Variants in EIF3B observed in about 807,000 individuals in gnomAD.
EIF3B encodes eukaryotic translation initiation factor 3 subunit B, also known as eukaryotic translation initiation factor 3 subunit 9.
In EIF3B, 10 loss-of-function variants were observed where a neutral mutation model predicts 104.6. The observed-to-expected ratio is 0.10, with a 90% CI of 0.06 to 0.16. EIF3B has a LOEUF of 0.16. Among genes scored for constraint, EIF3B ranks in the 10% least tolerant of loss-of-function variants. The probability of loss-of-function intolerance (pLI) is 1.00; values close to 1 mark genes in which losing one functional copy is unlikely to be tolerated. For missense variants in EIF3B, 1,014 were observed against 1,087.9 expected (o/e 0.93, Z 0.96); for synonymous variants, 542 against 417.2 (o/e 1.30, Z -3.65).
Position 2,362,670 on chromosome 7 carries a change from C to G in EIF3B, c.718C>G (p.Pro240Ala), listed in dbSNP as rs759633167. Reference protein sequence around the residue: ...KGYIFLEYASPAHAVDAVKNA... With the variant: ...KGYIFLEYASAAHAVDAVKNA... ...GTATATTTTCCTGGAGTACGCGTCC[C>G]CTGCCCACGCTGTGGATGCTGTGAA... The change falls in exon 3 of 19, where the codon CCT (proline) becomes GCT (alanine). Residue 240 changes from proline (P) to alanine (A), a missense_variant. By Grantham distance (27) the Pro-to-Ala change is conservative. Transcript: ENST00000360876. The G allele has an allele frequency of 1.2e-6, 2 of 1,614,230 alleles. No individual in the cohort carries two copies. Among genetic ancestry groups the G allele is most frequent in the Non-Finnish European group, 1.7e-6 (2 of 1,180,040 alleles).
In EIF3B at chr7:2,364,386, G is replaced by T. The variant is rs751079442; in HGVS notation, c.1014G>T (p.Thr338=). 1.9e-5 allele frequency: 30 copies of T among 1,605,546 alleles called. No individual in the cohort carries two copies. In the Admixed American group the frequency reaches 4.6e-4, roughly 25 times the overall value. Residue 338 remains threonine, a synonymous_variant, in exon 6 of 19, where the codon ACG becomes ACT. Transcript: ENST00000360876. The part of the protein sequence containing the change: ...SIEERARWTE[T]YVRWSPKGTY... ...TTTTTCTGCAGAGATGGACAGAGAC[G>T]TATGTGCGTTGGTCTCCTAAGGGCA... is the stretch of plus-strand genomic sequence containing the variant.
At position 2,372,931 on chromosome 7, in the gene EIF3B, C is replaced by G. The variant is rs1548596; in HGVS notation, c.1810+136C>G. The G allele has an allele frequency of 0.74, 716,305 of 964,800 alleles. 269,498 individuals are homozygous for G. Among genetic ancestry groups the G allele is most frequent in the African/African-American group, 0.95 (58,043 of 60,780 alleles). The allele number at this position is 964,800 out of a possible 1,614,324, so 59.8% of individuals were successfully genotyped here. A position where few individuals can be genotyped will look rare whatever the true frequency, so the allele number is the denominator to read the frequency against. On this transcript the variant is annotated intron_variant, in intron 12 of 18. Coordinates refer to ENST00000360876, the MANE Select transcript of EIF3B (RefSeq NM_001037283.2). ...GGACTCGCCTATGAATGGGGTGTGGCCTCGGCTGATGGAAGTGAGCGATGG... is the reference window on the plus strand; with the variant it reads ...GGACTCGCCTATGAATGGGGTGTGGGCTCGGCTGATGGAAGTGAGCGATGG...
At chr7:2,369,814 G>A (rs1780226134) in intron 10 of EIF3B, 132 bp downstream of exon 10, 1 of 729,314 alleles carries the variant, frequency 1.4e-6, no homozygotes, top group Admixed American at 3.8e-5. Flanking sequence ...GTCTCACTCT[G>A]TCACCAGGCT....
In EIF3B at chr7:2,380,524, T is replaced by TGGC. The variant is rs1180217296; in HGVS notation, c.*339_*341dup. On this transcript the variant is annotated 3_prime_UTR_variant, in exon 19 of 19. Transcript: ENST00000360876. ...GGCTCCGAAGACTTAGCGACGCCAC[T>TGGC]GGCGGCACCTTCTCCTGCGCCCAGT... 2 of 430,084 alleles carry TGGC rather than the reference T, an allele frequency of 4.7e-6. No individual in the cohort carries two copies. The highest frequency in any genetic ancestry group is 1.2e-4 in the East Asian group (2 of 16,728). The allele number at this position is 430,084 out of a possible 1,614,324, so 26.6% of individuals were successfully genotyped here.
chr7:2,361,249 T>A (rs1157659811), intron 2 of EIF3B, among the ~76,000 whole-genome samples: 1 of 152,174 alleles, frequency 6.6e-6, no homozygotes, highest in Non-Finnish European at 1.5e-5. Context: ...AGAGCAAGAC[T>A]CTGTCTCTAA....
At position 2,361,577 on chromosome 7, in the gene EIF3B, G is replaced by A. The variant is rs886938647; in HGVS notation, c.692+675G>A. On this transcript the variant is annotated intron_variant, in intron 2 of 18. Transcript: ENST00000360876. Reference sequence around the variant, plus strand: ...TGGGACTACTGGCGCCCGCTACCACGCCCGGCTAATTTTTTGTATTTTTAG... The same window carrying A: ...TGGGACTACTGGCGCCCGCTACCACACCCGGCTAATTTTTTGTATTTTTAG... Among the ~76,000 whole-genome samples, 10 of 151,762 alleles carry A rather than the reference G, an allele frequency of 6.6e-5. No homozygotes were observed. The South Asian group carries it at 1.0e-3, about 16-fold the overall frequency.
At position 2,380,532 on chromosome 7, in the gene EIF3B, C is replaced by A. The variant is rs1443620595; in HGVS notation, c.*343C>A. On this transcript the variant is annotated 3_prime_UTR_variant, in exon 19 of 19. Coordinates refer to ENST00000360876, the MANE Select transcript of EIF3B (RefSeq NM_001037283.2). The stretch of plus-strand genomic sequence containing the variant: ...AGACTTAGCGACGCCACTGGCGGCA[C>A]CTTCTCCTGCGCCCAGTGATGTTTC... 1 of 416,854 alleles carries A rather than the reference C, an allele frequency of 2.4e-6. No individual in the cohort carries two copies. Among genetic ancestry groups the A allele is most frequent in the Non-Finnish European group, 4.8e-6 (1 of 209,202 alleles). The allele number at this position is 416,854 out of a possible 1,614,324, so 25.8% of individuals were successfully genotyped here. A position where few individuals can be genotyped will look rare whatever the true frequency, so the allele number is the denominator to read the frequency against.
In EIF3B at chr7:2,374,620, C is replaced by T; in HGVS notation, c.1889+14C>T. ...GGGCCTGAGGAGGTAGGTGTCTGCG[C>T]TCTGAGCCTGTCCGCCCTGTGAGTA... On this transcript the variant is annotated intron_variant, in intron 13 of 18. Transcript: ENST00000360876. The T allele has an allele frequency of 6.2e-7, 1 of 1,612,886 alleles. No individual in the cohort carries two copies. The highest frequency in any genetic ancestry group is 1.1e-5 in the South Asian group (1 of 91,060).
At chr7:2,370,184 T>C (rs1562486061) in intron 10 of EIF3B, among the ~76,000 whole-genome samples, 1 of 152,188 alleles carries the variant, frequency 6.6e-6, no homozygotes, top group Non-Finnish European at 1.5e-5. Flanking sequence ...TATCAAAAAA[T>C]TGCCTGAGTT....
chr7:2,366,495 G>A, intron 7 of EIF3B, 30 bp from the exon 8 acceptor site: 1 of 1,614,072 alleles, frequency 6.2e-7, no homozygotes, highest in Non-Finnish European at 8.5e-7. Context: ...TCTTTTCATG[G>A]GAATACCCTG....
At position 2,364,634 on chromosome 7, in the gene EIF3B, C is replaced by A. The variant is rs143489338; in HGVS notation, c.1157+105C>A. ...GCATTTCAAACTTAGTAGAAAAATA[C>A]GGGAGTATGCAGAACGCTAATAAGC... On this transcript the variant is annotated intron_variant, in intron 6 of 18. Coordinates refer to ENST00000360876, the MANE Select transcript of EIF3B (RefSeq NM_001037283.2). 1.5e-3 allele frequency: 1,652 copies of A among 1,094,466 alleles called. 20 individuals carry two copies. In the African/African-American group the frequency reaches 0.023, roughly 16 times the overall value. 67.8% of individuals were successfully genotyped at this position (1,094,466 alleles called of 1,614,324 possible).
At chr7:2,375,829 G>T in intron 14 of EIF3B, 1 of 362,310 alleles carries the variant, frequency 2.8e-6, no homozygotes. Context: ...TTTGAAGTCT[G>T]AACAGAGTTC....
At chr7:2,360,385 A>T (rs2115285106) in intron 1 of EIF3B, among the ~76,000 whole-genome samples, 1 of 152,348 alleles carries the variant, frequency 6.6e-6, no homozygotes, top group African/African-American at 2.4e-5. Flanking sequence ...AATAGTGGAT[A>T]TTCTTGAGAT....
chr7:2,377,020 G>A lies in EIF3B; in HGVS notation c.2099G>A (p.Cys700Tyr). The A allele has an allele frequency of 1.9e-6, 3 of 1,613,860 alleles. No individual in the cohort carries two copies. The highest frequency in any genetic ancestry group is 2.5e-6 in the Non-Finnish European group (3 of 1,180,018). ...CAGAAGAACAACAAGGACCGCTTCTGCCAGCTGCTGTGGCGGCCCCGGCCT... is the reference window on the plus strand; with the variant it reads ...CAGAAGAACAACAAGGACCGCTTCTACCAGCTGCTGTGGCGGCCCCGGCCT... ...LLQKNNKDRF[C>Y]QLLWRPRPPT... The change falls in exon 15 of 19, where the codon TGC (cysteine) becomes TAC (tyrosine). Residue 700 changes from cysteine (C) to tyrosine (Y), a missense_variant. Transcript: ENST00000360876.
chr7:2,361,428 T>G lies in EIF3B; in HGVS notation c.692+526T>G, dbSNP rs571388284. ...CATTCTCTGAGGTTCTTTCTTTCTT[T>G]CTTTTTTTTGAGTCGGAGTCTCGCT... On this transcript the variant is annotated intron_variant, in intron 2 of 18. Transcript: ENST00000360876. Among the ~76,000 whole-genome samples the G allele has an allele frequency of 2.6e-5, 4 of 152,178 alleles. 1 individual carries two copies. The highest frequency in any genetic ancestry group is 9.7e-5 in the African/African-American group (4 of 41,440).
At position 2,379,748 on chromosome 7, in the gene EIF3B, G is replaced by A. The variant is rs867231048; in HGVS notation, c.*14+237G>A. The A allele has an allele frequency of 1.4e-5, 7 of 509,174 alleles. 1 individual carries two copies. The South Asian group carries it at 1.5e-4, about 11-fold the overall frequency. 31.5% of individuals were successfully genotyped at this position (509,174 alleles called of 1,614,324 possible). ...CTTTCAGGCAGTGCTGGGTGAGGGAGGAGCTGTGGCCAGGTGTTGGGAAGT... is the reference window on the plus strand; with the variant it reads ...CTTTCAGGCAGTGCTGGGTGAGGGAAGAGCTGTGGCCAGGTGTTGGGAAGT... On this transcript the variant is annotated intron_variant, in intron 18 of 18. Transcript: ENST00000360876.
intron 10 of EIF3B, among the ~76,000 whole-genome samples, chr7:2,370,545 A>G (rs1163279035): frequency 6.6e-6 from 1 of 152,142 alleles, no homozygotes; most frequent in East Asian, 1.9e-4. Flanking sequence ...TTATGTTAAG[A>G]AAGCTTTAAT....
In EIF3B at chr7:2,362,712, A is replaced by C; in HGVS notation, c.760A>C (p.Lys254Gln). The part of the protein sequence containing the change: ...VDAVKNADGY[K>Q]LDKQHTFRVN... ...TGCTGTGAAGAACGCCGACGGCTAC[A>C]AGCTTGACAAGCAGCACACATTCCG... is the stretch of plus-strand genomic sequence containing the variant. Residue 254 changes from lysine to glutamine, a missense_variant, in exon 3 of 19, where the codon AAG (lysine) becomes CAG (glutamine). Coordinates refer to ENST00000360876, the MANE Select transcript of EIF3B (RefSeq NM_001037283.2). The C allele has an allele frequency of 6.2e-7, 1 of 1,614,202 alleles. No individual in the cohort carries two copies. The highest frequency in any genetic ancestry group is 8.5e-7 in the Non-Finnish European group (1 of 1,180,026).
chr7:2,361,779 T>TTTTG (rs747100495), intron 2 of EIF3B, among the ~76,000 whole-genome samples: 31 of 152,048 alleles, frequency 2.0e-4, no homozygotes, highest in East Asian at 1.9e-3. Flanking sequence ...TTTAAGTTTT[T>TTTTG]TTTGTTTGTT....
Sources: allele counts gnomAD v4.1 joint callset (sites outside exome capture counted in the v4.1 genomes callset), GRCh38; gene constraint gnomAD v4.1.1; transcripts MANE v1.5; gene names NCBI Gene and HGNC (gene_info 2026-07-23, HGNC 2026-07-21).